Variants in MTDH observed in about 807,000 individuals in gnomAD.
MTDH encodes the protein metadherin, also known as protein LYRIC.
In MTDH, 34 loss-of-function variants were observed where a neutral mutation model predicts 72.7. That is an observed-to-expected ratio of 0.47 (90% confidence interval 0.36 to 0.62). MTDH has a LOEUF of 0.62. MTDH is among the 20% of genes least tolerant of loss of function. MTDH has a pLI of 0.00. For missense variants in MTDH, 677 were observed against 699.4 expected (o/e 0.97, Z 0.36); for synonymous variants, 266 against 268.9 (o/e 0.99, Z 0.10).
At chr8:97,685,328 TATG>T (rs1160099979) in intron 2 of MTDH, among the ~76,000 whole-genome samples, 1 of 152,140 alleles carries the variant, frequency 6.6e-6, no homozygotes, top group African/African-American at 2.4e-5. Context: ...GCAAATCAAT[TATG>T]AGGTCAGTAA....
chr8:97,707,284 T>A (rs1376507089), intron 8 of MTDH, among the ~76,000 whole-genome samples: 1 of 151,472 alleles, frequency 6.6e-6, no homozygotes, highest in Non-Finnish European at 1.5e-5. Flanking sequence ...CCTGAGTAGC[T>A]GGGATTACTA....
rs1453220172 is a variant in MTDH, at chr8:97,724,939, G to C, written c.*269G>C. On this transcript the variant is annotated 3_prime_UTR_variant, in exon 12 of 12. Transcript: ENST00000336273. Reference sequence around the variant, plus strand: ...GATCTTAATTTAAGAATATTATCCTGGTTTAACAACAGTGCCCTGTTTACA... The same window carrying C: ...GATCTTAATTTAAGAATATTATCCTCGTTTAACAACAGTGCCCTGTTTACA... 3.9e-6 allele frequency: 1 copy of C among 254,490 alleles called. No homozygotes were observed. Among genetic ancestry groups the C allele is most frequent in the Non-Finnish European group, 7.5e-6 (1 of 133,140 alleles). 15.8% of individuals were successfully genotyped at this position (254,490 alleles called of 1,614,324 possible).
In MTDH at chr8:97,706,754, A is replaced by G. The variant is rs777692795; in HGVS notation, c.1272+4A>G. On this transcript the variant is annotated splice_donor_region_variant and intron_variant, in intron 8 of 11. Coordinates refer to ENST00000336273, the MANE Select transcript of MTDH (RefSeq NM_178812.4). ...ACCAATTCCTGATGATCAAAAGGTG[A>G]GTATAAGAGATTCCTGGGTGTTTAT... 1 of 1,610,720 alleles carries G rather than the reference A, an allele frequency of 6.2e-7. No homozygotes were observed. Among genetic ancestry groups the G allele is most frequent in the South Asian group, 1.1e-5 (1 of 90,496 alleles).
chr8:97,645,547 G>C (rs571108607), intron 1 of MTDH, among the ~76,000 whole-genome samples: 1 of 152,216 alleles, frequency 6.6e-6, no homozygotes, highest in Non-Finnish European at 1.5e-5. Flanking sequence ...GTGAGAAAGA[G>C]CTAAGGCGAG....
chr8:97,696,554 A>C (rs1232445182), intron 6 of MTDH, among the ~76,000 whole-genome samples: 1 of 152,166 alleles, frequency 6.6e-6, no homozygotes, highest in East Asian at 1.9e-4. Context: ...TACACATGCA[A>C]GGCCTTCCAT....
intron 1 of MTDH, among the ~76,000 whole-genome samples, chr8:97,659,048 C>G (rs894984437): frequency 3.3e-5 from 5 of 151,606 alleles, no homozygotes; most frequent in African/African-American, 9.7e-5. Context: ...GAAGCTGAGG[C>G]AGGAGAATCG....
intron 2 of MTDH, among the ~76,000 whole-genome samples, chr8:97,663,847 T>C (rs1021290254): frequency 6.6e-6 from 1 of 152,146 alleles, no homozygotes; most frequent in Non-Finnish European, 1.5e-5. Context: ...GGTAGTATTA[T>C]ATCCATCTTA....
Position 97,686,784 on chromosome 8 carries a change from T to A in MTDH, c.568+32T>A, listed in dbSNP as rs200623302. ...GAGCAAGGGAAAGGACTGTAGAAAA[T>A]TTTTTAATCCTTTTTTATCAAAGTG... On this transcript the variant is annotated intron_variant, in intron 3 of 11. Transcript: ENST00000336273. 75 of 1,463,548 alleles carry A rather than the reference T, an allele frequency of 5.1e-5. 1 individual carries two copies. The Middle Eastern group carries it at 1.6e-3, about 31-fold the overall frequency. 90.7% of individuals were successfully genotyped at this position (1,463,548 alleles called of 1,614,324 possible).
At chr8:97,710,251 T>C (rs1426550760) in intron 8 of MTDH, among the ~76,000 whole-genome samples, 1 of 152,184 alleles carries the variant, frequency 6.6e-6, no homozygotes, top group African/African-American at 2.4e-5. Flanking sequence ...ATAATGACTA[T>C]AGTGCTGAGC....
intron 8 of MTDH, among the ~76,000 whole-genome samples, chr8:97,710,985 G>A (rs1467219684): frequency 1.3e-5 from 2 of 151,934 alleles, no homozygotes; most frequent in South Asian, 2.1e-4. Flanking sequence ...TGGCAACAGA[G>A]CAAGACTCCA....
At position 97,724,828 on chromosome 8, in the gene MTDH, A is replaced by G. The variant is rs1815294051; in HGVS notation, c.*158A>G. On this transcript the variant is annotated 3_prime_UTR_variant, in exon 12 of 12. Transcript: ENST00000336273. ...ACCACCATAAAAATGGAATCAAAAG[A>G]AAGTTAATTTATGAAATTAAGAGGT... 5.7e-6 allele frequency: 3 copies of G among 529,426 alleles called. No homozygotes were observed. The highest frequency in any genetic ancestry group is 9.7e-6 in the Non-Finnish European group (3 of 310,280). The allele number at this position is 529,426 out of a possible 1,614,324, so 32.8% of individuals were successfully genotyped here.
Position 97,729,343 on chromosome 8 carries a change from G to A in MTDH, c.*4673G>A, listed in dbSNP as rs1815473261. 6.6e-6 allele frequency among the ~76,000 whole-genome samples: 1 copy of A among 152,084 alleles called. No individual in the cohort carries two copies. Among genetic ancestry groups the A allele is most frequent in the Non-Finnish European group, 1.5e-5 (1 of 68,026 alleles). ...CCCCCACCCCCAAGAACACTTCTTG[G>A]AAGTTACACACAATACATAAACTTC... On this transcript the variant is annotated 3_prime_UTR_variant, in exon 12 of 12. Coordinates refer to ENST00000336273, the MANE Select transcript of MTDH (RefSeq NM_178812.4).
chr8:97,705,360 G>T (rs925636671), intron 7 of MTDH, among the ~76,000 whole-genome samples: 3 of 151,722 alleles, frequency 2.0e-5, no homozygotes, highest in Non-Finnish European at 4.4e-5. Context: ...CCAGCACTTT[G>T]GGAGGCTGAG....
intron 2 of MTDH, among the ~76,000 whole-genome samples, chr8:97,678,479 A>G (rs1812939782): frequency 6.6e-6 from 1 of 151,832 alleles, no homozygotes; most frequent in South Asian, 2.1e-4. Flanking sequence ...GGATTCATTG[A>G]CTCTATTATA....
intron 1 of MTDH, among the ~76,000 whole-genome samples, chr8:97,656,485 T>C (rs1481177189): frequency 1.3e-5 from 2 of 151,492 alleles, no homozygotes; most frequent in African/African-American, 2.4e-5. Flanking sequence ...GTATTTTTAG[T>C]AGAGACGGGG....
At chr8:97,667,942 A>G (rs1228692343) in intron 2 of MTDH, among the ~76,000 whole-genome samples, 1 of 152,146 alleles carries the variant, frequency 6.6e-6, no homozygotes, top group Non-Finnish European at 1.5e-5. Context: ...TGGTATATTA[A>G]CAAATGTAAT....
At chr8:97,681,628 T>C (rs889402229) in intron 2 of MTDH, among the ~76,000 whole-genome samples, 1 of 151,310 alleles carries the variant, frequency 6.6e-6, no homozygotes, top group African/African-American at 2.4e-5. Context: ...CGAGTAGCTG[T>C]GATTACAGGC....
rs1248710757 is a variant in MTDH, at chr8:97,723,397, C to CA, written c.1678+373dup. 6.7e-3 allele frequency among the ~76,000 whole-genome samples: 878 copies of CA among 131,484 alleles called. 6 individuals carry two copies. The highest frequency in any genetic ancestry group is 0.02 in the African/African-American group (713 of 35,986). The allele number at this position is 131,484 out of a possible 152,430, so 86.3% of individuals were successfully genotyped here. A position where few individuals can be genotyped will look rare whatever the true frequency, so the allele number is the denominator to read the frequency against. On this transcript the variant is annotated intron_variant, in intron 11 of 11. Coordinates refer to ENST00000336273, the MANE Select transcript of MTDH (RefSeq NM_178812.4). ...TGGGCAACAGAGCGAGACTCCGTCTCAAAAAAAAAAACGTCTAATGGATTA... is the reference window on the plus strand; with the variant it reads ...TGGGCAACAGAGCGAGACTCCGTCTCAAAAAAAAAAAACGTCTAATGGATTA...
At chr8:97,700,128 C>A (rs1319966022) in intron 7 of MTDH, among the ~76,000 whole-genome samples, 2 of 152,024 alleles carry the variant, frequency 1.3e-5, no homozygotes, top group African/African-American at 2.4e-5. Flanking sequence ...AAATGAATGT[C>A]TGTTTCTCCT....
Sources: allele counts gnomAD v4.1 joint callset (sites outside exome capture counted in the v4.1 genomes callset), GRCh38; gene constraint gnomAD v4.1.1; transcripts MANE v1.5; gene names NCBI Gene and HGNC (gene_info 2026-07-23, HGNC 2026-07-21).